The following GNAS variants were observed in gnomAD, a reference collection of about 807,000 sequenced individuals.
GNAS encodes GNAS complex locus.
In GNAS, 8 loss-of-function variants were observed where a neutral mutation model predicts 54.5. The ratio of observed to expected loss-of-function variants is 0.15; its 90% CI spans 0.09 to 0.26. GNAS has a LOEUF of 0.26. Among genes scored for constraint, GNAS ranks in the 10% least tolerant of loss-of-function variants. GNAS has a pLI of 1.00. For missense variants in GNAS, 170 were observed against 529.8 expected, an observed-to-expected ratio of 0.32 and a Z score of 6.67; for synonymous variants, 204 against 191.4, an observed-to-expected ratio of 1.07 and a Z score of -0.54.
intron 1 of GNAS, among the ~76,000 whole-genome samples, chr20:58,874,354 T>A (rs2087653523): frequency 6.6e-6 from 1 of 152,232 alleles, no homozygotes; most frequent in South Asian, 2.1e-4. Flanking sequence ...AAACTATGCC[T>A]TCCAGGATCT....
chr20:58,854,331 G>T, intron 1 of GNAS: 1 of 1,593,200 alleles, frequency 6.3e-7, no homozygotes, highest in East Asian at 2.3e-5. Context: ...CCCAGTTGAG[G>T]AGGAAGCAGC....
Position 58,881,347 on chromosome 20 carries a change from C to A in GNAS, c.44-14265C>A, listed in dbSNP as rs2088207755. Among the ~76,000 whole-genome samples the A allele has an allele frequency of 2.0e-5, 3 of 152,140 alleles. No individual in the cohort carries two copies. In the South Asian group the frequency reaches 6.2e-4, roughly 31 times the overall value. On this transcript the variant is annotated intron_variant, in intron 1 of 12. Coordinates refer to the GNAS transcript ENST00000306090. ...CCCAATTAAGTTTTATATCCATTTCCTTTGTATGGTTGAGCTATTTGGCAC... is the reference window on the plus strand; with the variant it reads ...CCCAATTAAGTTTTATATCCATTTCATTTGTATGGTTGAGCTATTTGGCAC...
At chr20:58,894,347 C>T (rs890184290) in intron 1 of GNAS, among the ~76,000 whole-genome samples, 2 of 152,094 alleles carry the variant, frequency 1.3e-5, no homozygotes, top group African/African-American at 2.4e-5. Context: ...TTTTAATTTA[C>T]CAGAGTTAGG....
intron 1 of GNAS, among the ~76,000 whole-genome samples, chr20:58,883,773 A>G (rs532410680): frequency 1.3e-3 from 198 of 152,256 alleles, no homozygotes; most frequent in African/African-American, 4.2e-3. Context: ...GGAAGGCTGC[A>G]GTGGCCTTGG....
upstream of GNAS, chr20:58,840,571 C>T (rs768473505): frequency 6.2e-7 from 1 of 1,612,710 alleles, no homozygotes; most frequent in East Asian, 2.2e-5. This position sits in a 1 kb window ranked among gnomAD's most constrained non-coding sequence, Gnocchi z 6.0. Flanking sequence ...ACTCCACCTT[C>T]GGCCAGTCCC....
chr20:58,869,931 A>C (rs923660423), intron 1 of GNAS, among the ~76,000 whole-genome samples: 1 of 152,162 alleles, frequency 6.6e-6, no homozygotes, highest in Non-Finnish European at 1.5e-5. Flanking sequence ...TCTGGGTCAA[A>C]TTCCTTGGTT....
At chr20:58,888,017 T>C (rs2088710385), upstream of GNAS, among the ~76,000 whole-genome samples, 1 of 152,226 alleles carries the variant, frequency 6.6e-6, no homozygotes, top group African/African-American at 2.4e-5. Flanking sequence ...CTTAAAATGA[T>C]ACAAGTTTGC....
chr20:58,910,567 GTTTT>G lies in GNAS; in HGVS notation c.1039-115_1039-112del. 1 of 1,349,960 alleles carries G rather than the reference GTTTT, an allele frequency of 7.4e-7. No individual in the cohort carries two copies. The highest frequency in any genetic ancestry group is 1.1e-6 in the Non-Finnish European group (1 of 949,822). The allele number at this position is 1,349,960 out of a possible 1,614,324, so 83.6% of individuals were successfully genotyped here. A position where few individuals can be genotyped will look rare whatever the true frequency, so the allele number is the denominator to read the frequency against. On this transcript the variant is annotated intron_variant, in intron 12 of 12. Coordinates refer to ENST00000371085, the MANE Select transcript of GNAS (RefSeq NM_000516.7). This position sits in a 1 kb window ranked among gnomAD's most constrained non-coding sequence, Gnocchi z 5.8. ...TCTTTGCGCCCCTCTTTTTGCTTTT[GTTTT>G]CATATGACATCAGAGGCTGGCTGAC... is the stretch of plus-strand genomic sequence containing the variant.
chr20:58,859,382 A>T (rs2086663457), intron 1 of GNAS, among the ~76,000 whole-genome samples: 1 of 152,008 alleles, frequency 6.6e-6, no homozygotes, highest in Non-Finnish European at 1.5e-5. Context: ...TTGTATTTTT[A>T]GTAGAGATGG....
At chr20:58,868,796 C>CT (rs1045116877) in intron 1 of GNAS, among the ~76,000 whole-genome samples, 7 of 151,886 alleles carry the variant, frequency 4.6e-5, no homozygotes, top group Non-Finnish European at 7.4e-5. Flanking sequence ...CAGGAACTAC[C>CT]TTTTTTTTGG....
chr20:58,887,900 C>T (rs568184242), upstream of GNAS, among the ~76,000 whole-genome samples: 2 of 152,296 alleles, frequency 1.3e-5, no homozygotes, highest in African/African-American at 2.4e-5. Flanking sequence ...GTGGCATCTT[C>T]ATCTGTCACA....
chr20:58,890,499 T>C (rs920086377), upstream of GNAS: 6 of 152,104 alleles, frequency 3.9e-5, no homozygotes, highest in Non-Finnish European at 1.5e-5. Context: ...CCTGGTCTTC[T>C]CGGTGCGCAG....
chr20:58,902,233 G>C (rs2090680473), intron 3 of GNAS, among the ~76,000 whole-genome samples: 1 of 152,100 alleles, frequency 6.6e-6, no homozygotes, highest in South Asian at 2.1e-4. Context: ...CAGGTGTGCT[G>C]TGTGTGCTGG....
intron 1 of GNAS, chr20:58,852,852 A>C (rs1259650208): frequency 3.5e-5 from 10 of 281,694 alleles, no homozygotes; most frequent in Non-Finnish European, 4.3e-5. Flanking sequence ...CCAGCTCGGC[A>C]CTGGAACCGG....
At chr20:58,900,918 C>G (rs1349909843) in intron 3 of GNAS, among the ~76,000 whole-genome samples, 1 of 152,202 alleles carries the variant, frequency 6.6e-6, no homozygotes, top group Non-Finnish European at 1.5e-5. Flanking sequence ...CACCTATTCA[C>G]ATACGTAGAT....
upstream of GNAS, among the ~76,000 whole-genome samples, chr20:58,891,131 G>A (rs1174320548): frequency 6.7e-6 from 1 of 148,666 alleles, no homozygotes; most frequent in Non-Finnish European, 1.5e-5. Flanking sequence ...GAGCCCGGGG[G>A]GTGGGGGGCG....
rs191293789 is a variant in GNAS, at chr20:58,858,390, A to G, written c.43+17504A>G. 1.7e-3 allele frequency among the ~76,000 whole-genome samples: 261 copies of G among 152,210 alleles called. 2 individuals carry two copies. The highest frequency in any genetic ancestry group is 5.5e-3 in the African/African-American group (230 of 41,510). ...AATCAAAGAGAGAGAGAGAGAGAGAAAGATAGATAGAAATCAGTAATATGA... is the reference window on the plus strand; with the variant it reads ...AATCAAAGAGAGAGAGAGAGAGAGAGAGATAGATAGAAATCAGTAATATGA... On this transcript the variant is annotated intron_variant, in intron 1 of 12. Coordinates refer to the GNAS transcript ENST00000306090.
At chr20:58,902,182 G>A (rs1026511571) in intron 3 of GNAS, among the ~76,000 whole-genome samples, 1 of 151,894 alleles carries the variant, frequency 6.6e-6, no homozygotes, top group East Asian at 1.9e-4. Context: ...CCTTTTTTCC[G>A]CATGACAACG....
chr20:58,895,054 G>C (rs1477845735), intron 1 of GNAS: 1 of 172,040 alleles, frequency 5.8e-6, no homozygotes. Flanking sequence ...CCAAGGGGTA[G>C]GAAACCTGCA....
Sources: allele counts gnomAD v4.1 joint callset (sites outside exome capture counted in the v4.1 genomes callset), GRCh38; gene constraint gnomAD v4.1.1; non-coding constraint Gnocchi (gnomAD v3.1); transcripts MANE v1.5; gene names NCBI Gene and HGNC (gene_info 2026-07-23, HGNC 2026-07-21).